Variants in GTF2F2 observed in about 807,000 individuals in gnomAD.
GTF2F2 encodes the protein general transcription factor IIF subunit 2.
Under a neutral mutation model 42.2 loss-of-function variants are expected in GTF2F2, and 23 were observed. That is an observed-to-expected ratio of 0.55 (90% CI 0.39 to 0.77). The LOEUF (loss-of-function observed/expected upper bound fraction) is 0.77. GTF2F2 is among the 30% of genes least tolerant of loss of function. GTF2F2 has a pLI of 0.00. For synonymous variants in GTF2F2, 105 were observed against 100.8 expected (o/e 1.04, Z -0.25); for missense variants, 261 against 287.2 (o/e 0.91, Z 0.66).
chr13:45,253,692 C>T (rs748556552), intron 6 of GTF2F2, among the ~76,000 whole-genome samples: 4 of 152,146 alleles, frequency 2.6e-5, no homozygotes, highest in Non-Finnish European at 4.4e-5. Context: ...TGAGTCATTC[C>T]TTTGTCCAGT....
intron 4 of GTF2F2, among the ~76,000 whole-genome samples, chr13:45,157,641 G>C (rs934871605): frequency 6.6e-6 from 1 of 151,962 alleles, no homozygotes; most frequent in Admixed American, 6.6e-5. Context: ...TTCTTTTTTT[G>C]GTGGGGAGAG....
At chr13:45,132,271 C>T (rs1445249225) in intron 1 of GTF2F2, among the ~76,000 whole-genome samples, 3 of 152,098 alleles carry the variant, frequency 2.0e-5, no homozygotes, top group African/African-American at 4.8e-5. Flanking sequence ...CTCTCACTGG[C>T]GATAGTCAAG....
At chr13:45,247,253 C>A (rs375362321) in intron 5 of GTF2F2, among the ~76,000 whole-genome samples, 9 of 149,214 alleles carry the variant, frequency 6.0e-5, no homozygotes, top group African/African-American at 2.2e-4. Flanking sequence ...TCCCAAGAAT[C>A]GCTTTAACCT....
chr13:45,147,784 A>C (rs1340933950), intron 2 of GTF2F2, among the ~76,000 whole-genome samples: 4 of 152,190 alleles, frequency 2.6e-5, no homozygotes, highest in Admixed American at 1.3e-4. Flanking sequence ...CTAGTGTCAG[A>C]AAGAATGTGC....
At chr13:45,134,809 T>C (rs2138097458) in intron 1 of GTF2F2, among the ~76,000 whole-genome samples, 1 of 152,304 alleles carries the variant, frequency 6.6e-6, no homozygotes. Context: ...TGATCCTGGC[T>C]TCTTGAGTTA....
chr13:45,273,655 A>ATTTTTTTTTTTTTTTTTTTTTT (rs773254844), intron 7 of GTF2F2, among the ~76,000 whole-genome samples: 5 of 123,862 alleles, frequency 4.0e-5, no homozygotes, highest in African/African-American at 7.1e-5. Context: ...GAGTGGTAAA[A>ATTTTTTTTTTTTTTTTTTTTTT]TTTTTTTTTT....
At chr13:45,234,922 G>A (rs929580398) in intron 5 of GTF2F2, among the ~76,000 whole-genome samples, 11 of 151,940 alleles carry the variant, frequency 7.2e-5, no homozygotes, top group African/African-American at 2.4e-4. Flanking sequence ...GCGCATGCCT[G>A]TAATCCCAGC....
intron 2 of GTF2F2, among the ~76,000 whole-genome samples, chr13:45,137,771 C>A (rs1869704229): frequency 6.6e-6 from 1 of 152,100 alleles, no homozygotes; most frequent in African/African-American, 2.4e-5. Flanking sequence ...ATGGCCAAGC[C>A]CAGATTCAGT....
At chr13:45,150,488 C>G (rs1390482973) in intron 3 of GTF2F2, among the ~76,000 whole-genome samples, 1 of 151,698 alleles carries the variant, frequency 6.6e-6, no homozygotes, top group Non-Finnish European at 1.5e-5. Context: ...TCACTTCATC[C>G]CCCCCATCTG....
At chr13:45,133,142 G>A (rs894046169) in intron 1 of GTF2F2, among the ~76,000 whole-genome samples, 2 of 152,152 alleles carry the variant, frequency 1.3e-5, no homozygotes, top group African/African-American at 4.8e-5. Context: ...GACAGAGGAA[G>A]ATGGGGCAAG....
At chr13:45,152,964 TAG>T (rs1271532199) in intron 4 of GTF2F2, among the ~76,000 whole-genome samples, 6 of 152,134 alleles carry the variant, frequency 3.9e-5, no homozygotes, top group Non-Finnish European at 7.3e-5. Context: ...TAAGAAATTA[TAG>T]TATGTTAAGA....
At chr13:45,264,567 G>A (rs1288889580) in intron 6 of GTF2F2, among the ~76,000 whole-genome samples, 1 of 152,120 alleles carries the variant, frequency 6.6e-6, no homozygotes, top group African/African-American at 2.4e-5. Context: ...CACTGCGCCT[G>A]GCCCCATGAT....
chr13:45,162,721 G>T (rs1173286388), intron 4 of GTF2F2, among the ~76,000 whole-genome samples: 3 of 152,152 alleles, frequency 2.0e-5, no homozygotes, highest in Admixed American at 6.5e-5. Context: ...AAAAGAAACC[G>T]CAGTGTAGGA....
chr13:45,192,450 T>G (rs1053638418), intron 4 of GTF2F2, among the ~76,000 whole-genome samples: 3 of 152,208 alleles, frequency 2.0e-5, no homozygotes, highest in Non-Finnish European at 4.4e-5. Context: ...GCATATATGC[T>G]AATTTATGTA....
chr13:45,252,186 A>T (rs1158059490), intron 5 of GTF2F2, among the ~76,000 whole-genome samples: 2 of 152,204 alleles, frequency 1.3e-5, no homozygotes, highest in East Asian at 3.8e-4. Context: ...TCTGTTGCCC[A>T]GGCTGGAGTG....
chr13:45,195,912 T>A (rs1872869255), intron 4 of GTF2F2, among the ~76,000 whole-genome samples: 1 of 152,138 alleles, frequency 6.6e-6, no homozygotes, highest in Non-Finnish European at 1.5e-5. Context: ...CACCTCAGCC[T>A]CCCAGAGTGC....
At chr13:45,160,053 TTTAA>T (rs1488660104) in intron 4 of GTF2F2, among the ~76,000 whole-genome samples, 1 of 152,224 alleles carries the variant, frequency 6.6e-6, no homozygotes, top group East Asian at 1.9e-4. Flanking sequence ...TCTATCATAA[TTTAA>T]TTACTGTTGT....
At chr13:45,185,090 C>T (rs150650744) in intron 4 of GTF2F2, among the ~76,000 whole-genome samples, 4 of 152,182 alleles carry the variant, frequency 2.6e-5, no homozygotes, top group African/African-American at 7.2e-5. Flanking sequence ...TTGAAAGTGC[C>T]TGGATTATAG....
intron 4 of GTF2F2, among the ~76,000 whole-genome samples, chr13:45,174,634 C>CTTTTTT (rs397950608): frequency 5.4e-4 from 44 of 81,420 alleles, no homozygotes; most frequent in East Asian, 6.6e-4. Context: ...TTTCTTTTTT[C>CTTTTTT]TTTTTTTTTT....
Sources: allele counts gnomAD v4.1 joint callset (sites outside exome capture counted in the v4.1 genomes callset), GRCh38; gene constraint gnomAD v4.1.1; transcripts MANE v1.5; gene names NCBI Gene and HGNC (gene_info 2026-07-23, HGNC 2026-07-21).